Variants in TFPI observed in about 807,000 individuals in gnomAD.
TFPI encodes tissue factor pathway inhibitor.
A neutral mutation model predicts 34.6 loss-of-function variants in TFPI; 15 were observed. The ratio of observed to expected loss-of-function variants is 0.43; its 90% CI spans 0.29 to 0.67. The LOEUF (loss-of-function observed/expected upper bound fraction) is 0.67. Ranked by LOEUF, TFPI falls within the 30% of genes least tolerant of loss-of-function variation. TFPI has a pLI of 0.15. For missense variants in TFPI, 301 were observed against 364.0 expected, an observed-to-expected ratio of 0.83 and a Z score of 1.41; for synonymous variants, 105 against 120.1, an observed-to-expected ratio of 0.87 and a Z score of 0.82.
At chr2:187,469,558 G>A (rs1422555196) in intron 6 of TFPI, among the ~76,000 whole-genome samples, 1 of 152,100 alleles carries the variant, frequency 6.6e-6, no homozygotes, top group Admixed American at 6.6e-5. Context: ...CTGTAGTGAA[G>A]CAGATTAACA....
At chr2:187,469,732 C>A (rs527895739) in intron 6 of TFPI, among the ~76,000 whole-genome samples, 67 of 152,098 alleles carry the variant, frequency 4.4e-4, no homozygotes, top group African/African-American at 1.5e-3. Flanking sequence ...ATTTTGTATC[C>A]TTTGACATGA....
intron 1 of TFPI, among the ~76,000 whole-genome samples, chr2:187,536,580 C>T (rs749139812): frequency 2.6e-5 from 4 of 152,030 alleles, no homozygotes; most frequent in Non-Finnish European, 4.4e-5. Flanking sequence ...TGATAGAATG[C>T]ATCTCAAAAT....
chr2:187,511,655 A>C (rs1686642176), intron 1 of TFPI, among the ~76,000 whole-genome samples: 1 of 152,178 alleles, frequency 6.6e-6, no homozygotes, highest in Non-Finnish European at 1.5e-5. Context: ...GTAAGCCTTG[A>C]CGGGTCCGTT....
chr2:187,540,278 G>T (rs1288421005), intron 1 of TFPI, among the ~76,000 whole-genome samples: 2 of 151,992 alleles, frequency 1.3e-5, no homozygotes, highest in East Asian at 3.9e-4. Flanking sequence ...TTACCTTGCT[G>T]CAAAAAATTG....
rs1691627698 is a variant in TFPI at position 187,464,492 on chromosome 2, C to T, written c.*2444G>A. On this transcript the variant is annotated 3_prime_UTR_variant, in exon 8 of 8. Transcript: ENST00000233156. ...TTCACATGCATTAAACATTTCAAGC[C>T]ATCTCAGTATATGTCTTTCTTGAGT... 6.6e-6 allele frequency: 1 copy of T among 152,072 alleles called. No individual in the cohort carries two copies. The highest frequency in any genetic ancestry group is 2.4e-5 in the African/African-American group (1 of 41,430). 9.4% of individuals were successfully genotyped at this position (152,072 alleles called of 1,614,324 possible).
At chr2:187,498,815 C>T (rs139735693) in intron 2 of TFPI, among the ~76,000 whole-genome samples, 2 of 151,728 alleles carry the variant, frequency 1.3e-5, no homozygotes, top group East Asian at 1.9e-4. Context: ...TATTATGATA[C>T]GGGGATAGTT....
chr2:187,497,541 C>G (rs1168414792), intron 2 of TFPI, among the ~76,000 whole-genome samples: 4 of 151,916 alleles, frequency 2.6e-5, no homozygotes, highest in Admixed American at 6.6e-5. Context: ...ACCATTTTCC[C>G]TAATTATAAA....
At chr2:187,553,757 A>G (rs942502313) in intron 1 of TFPI, among the ~76,000 whole-genome samples, 1 of 152,190 alleles carries the variant, frequency 6.6e-6, no homozygotes. Context: ...CATTTTAAAT[A>G]TCATCAACTA....
chr2:187,492,994 G>T (rs1053712879), intron 3 of TFPI, among the ~76,000 whole-genome samples: 1 of 152,108 alleles, frequency 6.6e-6, no homozygotes, highest in Non-Finnish European at 1.5e-5. Context: ...GTGGCCTGGA[G>T]TATGGTGGCT....
At chr2:187,521,187 A>G (rs1045452654) in intron 1 of TFPI, among the ~76,000 whole-genome samples, 1 of 152,096 alleles carries the variant, frequency 6.6e-6, no homozygotes, top group Non-Finnish European at 1.5e-5. Flanking sequence ...CTGTAAAGGT[A>G]TACTATCTTT....
chr2:187,495,432 G>A (rs1685408921), intron 3 of TFPI, among the ~76,000 whole-genome samples: 1 of 152,172 alleles, frequency 6.6e-6, no homozygotes, highest in East Asian at 1.9e-4. Context: ...AATGGGAAAA[G>A]ACCAAGCAAT....
chr2:187,505,399 C>T (rs1686140597), intron 1 of TFPI, among the ~76,000 whole-genome samples: 1 of 152,104 alleles, frequency 6.6e-6, no homozygotes, highest in South Asian at 2.1e-4. Context: ...TTTGGATCAT[C>T]AGTTTATTTA....
rs1691633848 is a variant in TFPI, at chr2:187,464,690, A to G, written c.*2246T>C. On this transcript the variant is annotated 3_prime_UTR_variant, in exon 8 of 8. Transcript: ENST00000233156. ...AAATGGCAACAGGAAATGTTTCACAAGGGCCTTTGATTTCCAAAACTCTCA... is the reference window on the plus strand; with the variant it reads ...AAATGGCAACAGGAAATGTTTCACAGGGGCCTTTGATTTCCAAAACTCTCA... 6.6e-6 allele frequency: 1 copy of G among 152,232 alleles called. No individual in the cohort carries two copies. The highest frequency in any genetic ancestry group is 1.5e-5 in the Non-Finnish European group (1 of 68,038). 9.4% of individuals were successfully genotyped at this position (152,232 alleles called of 1,614,324 possible).
At chr2:187,494,403 T>C (rs1178794717) in intron 3 of TFPI, among the ~76,000 whole-genome samples, 1 of 152,214 alleles carries the variant, frequency 6.6e-6, no homozygotes, top group Non-Finnish European at 1.5e-5. Context: ...TTTCATGTAA[T>C]GGTGGTTCTG....
intron 6 of TFPI, among the ~76,000 whole-genome samples, chr2:187,482,017 A>G (rs767694340): frequency 6.6e-5 from 10 of 152,104 alleles, no homozygotes; most frequent in Non-Finnish European, 1.2e-4. Context: ...TTTAAAACTC[A>G]TTAATATTAC....
Position 187,464,375 on chromosome 2 carries a change from A to G in TFPI, c.*2561T>C, listed in dbSNP as rs1169172119. ...TGTATATGCTGAATAATGTAATTCC[A>G]TATACAATTCACAGTTAGATGCACT... is the stretch of plus-strand genomic sequence containing the variant. On this transcript the variant is annotated 3_prime_UTR_variant, in exon 8 of 8. Coordinates refer to ENST00000233156, the MANE Select transcript of TFPI (RefSeq NM_006287.6). The G allele has an allele frequency of 1.3e-5, 2 of 152,226 alleles. No homozygotes were observed. Among genetic ancestry groups the G allele is most frequent in the African/African-American group, 4.8e-5 (2 of 41,466 alleles). 9.4% of individuals were successfully genotyped at this position (152,226 alleles called of 1,614,324 possible). A position where few individuals can be genotyped will look rare whatever the true frequency, so the allele number is the denominator to read the frequency against.
intron 2 of TFPI, among the ~76,000 whole-genome samples, chr2:187,501,015 C>T (rs1431336679): frequency 2.0e-5 from 3 of 152,078 alleles, no homozygotes; most frequent in African/African-American, 7.2e-5. Context: ...TCAGAAAGTC[C>T]TGGGTGCTGT....
At chr2:187,478,316 C>T (rs1004488645) in intron 6 of TFPI, among the ~76,000 whole-genome samples, 2 of 152,048 alleles carry the variant, frequency 1.3e-5, no homozygotes, top group Admixed American at 6.6e-5. Context: ...GCCGAGATCG[C>T]GCCATTGCAC....
At chr2:187,545,756 T>G (rs1250401247) in intron 1 of TFPI, among the ~76,000 whole-genome samples, 1 of 152,098 alleles carries the variant, frequency 6.6e-6, no homozygotes, top group Non-Finnish European at 1.5e-5. Flanking sequence ...AAAACAAAAA[T>G]AAATTAAAGA....
Sources: gnomAD v4.1 joint callset for allele counts (sites outside exome capture counted in the v4.1 genomes callset) on GRCh38, gnomAD v4.1.1 for gene constraint, MANE v1.5 for transcripts, NCBI Gene and HGNC (gene_info 2026-07-23, HGNC 2026-07-21) for gene names.